CSMD1: variants seen among roughly 807,000 people sequenced by gnomAD.
CSMD1 encodes CUB and Sushi multiple domains 1.
In CSMD1, 213 loss-of-function variants were observed where a neutral mutation model predicts 417.5. The ratio of observed to expected loss-of-function variants is 0.51; its 90% CI spans 0.46 to 0.57. The LOEUF is 0.57. Ranked by LOEUF, CSMD1 falls within the 20% of genes least tolerant of loss-of-function variation. CSMD1 has a pLI of 0.00. For missense variants in CSMD1, 6,923 were observed against 4,529.7 expected (o/e 1.53, Z -15.17); for synonymous variants, 2,862 against 1,736.8 (o/e 1.65, Z -16.11).
At chr8:3,225,697 C>G (rs1798463873) in intron 27 of CSMD1, among the ~76,000 whole-genome samples, 1 of 152,170 alleles carries the variant, frequency 6.6e-6, no homozygotes, top group African/African-American at 2.4e-5. Flanking sequence ...AGGGGAAACC[C>G]TGTCTTATTC....
chr8:3,344,376 G>C (rs1447744907), intron 22 of CSMD1, among the ~76,000 whole-genome samples: 2 of 152,136 alleles, frequency 1.3e-5, no homozygotes, highest in African/African-American at 4.8e-5. Flanking sequence ...TGGGTTGAAA[G>C]GTGCAGCAAA....
Position 4,010,440 on chromosome 8 carries a change from T to C in CSMD1, c.611-12330A>G, listed in dbSNP as rs144101725. On this transcript the variant is annotated intron_variant, in intron 4 of 69. Coordinates refer to ENST00000635120, the MANE Select transcript of CSMD1 (RefSeq NM_033225.6). ...TCGGTCATTTCAATGTCAACACAGGTAATCCTGGGAAAAACATAACCTCTT... is the reference window on the plus strand; with the variant it reads ...TCGGTCATTTCAATGTCAACACAGGCAATCCTGGGAAAAACATAACCTCTT... 1.8e-3 allele frequency among the ~76,000 whole-genome samples: 270 copies of C among 152,250 alleles called. 1 individual carries two copies. The highest frequency in any genetic ancestry group is 6.0e-3 in the African/African-American group (251 of 41,534).
intron 39 of CSMD1, among the ~76,000 whole-genome samples, chr8:3,152,497 C>G (rs1344990085): frequency 1.3e-5 from 2 of 152,166 alleles, no homozygotes; most frequent in African/African-American, 4.8e-5. Flanking sequence ...CCCCTAGGAC[C>G]TGTGGTGAAG....
At chr8:4,135,806 C>G (rs1330791348) in intron 3 of CSMD1, among the ~76,000 whole-genome samples, 3 of 151,968 alleles carry the variant, frequency 2.0e-5, no homozygotes, top group African/African-American at 4.8e-5. Context: ...TAGTTAATAT[C>G]CATTTTTAAA....
intron 49 of CSMD1, among the ~76,000 whole-genome samples, chr8:3,056,175 A>C (rs1812205980): frequency 6.6e-6 from 1 of 152,236 alleles, no homozygotes; most frequent in Non-Finnish European, 1.5e-5. Context: ...GGTAGGTAGT[A>C]AGATGGCTTA....
At chr8:3,470,719 A>G (rs1817042238) in intron 11 of CSMD1, among the ~76,000 whole-genome samples, 2 of 152,048 alleles carry the variant, frequency 1.3e-5, no homozygotes, top group South Asian at 2.1e-4. Flanking sequence ...GCAACCACTA[A>G]TCAGTATCCA....
chr8:3,526,145 G>C (rs1031514605), intron 10 of CSMD1, among the ~76,000 whole-genome samples: 3 of 152,128 alleles, frequency 2.0e-5, no homozygotes, highest in Admixed American at 6.5e-5. Flanking sequence ...AAAGTGGCAA[G>C]TTTCAATTAA....
In CSMD1 at chr8:3,542,332, C is replaced by T. The variant is rs370905673; in HGVS notation, c.1344+32613G>A. On this transcript the variant is annotated intron_variant, in intron 10 of 69. Transcript: ENST00000635120. Reference sequence around the variant, plus strand: ...AGAATCTTCAATCATTCAGATGGTTCATTCAGAATCTTCAATTCTGAAGAT... The same window carrying T: ...AGAATCTTCAATCATTCAGATGGTTTATTCAGAATCTTCAATTCTGAAGAT... Among the ~76,000 whole-genome samples, 10 of 152,120 alleles carry T rather than the reference C, an allele frequency of 6.6e-5. No individual in the cohort carries two copies. The East Asian group carries it at 1.9e-3, about 29-fold the overall frequency.
chr8:3,091,731 G>A (rs60806908), intron 47 of CSMD1, 69 bp from the exon 48 acceptor site: 9 of 1,430,494 alleles, frequency 6.3e-6, no homozygotes, highest in South Asian at 1.3e-5. Context: ...ACTAGGTTTA[G>A]CTTTTGATTA....
intron 5 of CSMD1, among the ~76,000 whole-genome samples, chr8:3,792,076 C>A (rs756674662): frequency 2.0e-5 from 3 of 152,106 alleles, no homozygotes; most frequent in African/African-American, 7.2e-5. Context: ...CTATGTTTTC[C>A]TCCTTCAAGA....
chr8:3,027,213 T>A (rs565354332), intron 51 of CSMD1, among the ~76,000 whole-genome samples: 1 of 152,126 alleles, frequency 6.6e-6, no homozygotes, highest in East Asian at 1.9e-4. Context: ...AGCAGAAAAT[T>A]TCAGTTTGGT....
intron 3 of CSMD1, among the ~76,000 whole-genome samples, chr8:4,274,310 G>A (rs954125374): frequency 6.6e-6 from 1 of 152,040 alleles, no homozygotes; most frequent in Non-Finnish European, 1.5e-5. Context: ...CACCCAACTG[G>A]CATACGTGGG....
chr8:3,222,468 C>A (rs1001505875), intron 28 of CSMD1, among the ~76,000 whole-genome samples: 2 of 152,020 alleles, frequency 1.3e-5, no homozygotes, highest in Non-Finnish European at 2.9e-5. Context: ...CACAAGCACA[C>A]CAAGCCAATT....
intron 3 of CSMD1, among the ~76,000 whole-genome samples, chr8:4,259,829 T>C (rs1266856376): frequency 6.6e-6 from 1 of 152,226 alleles, no homozygotes; most frequent in Non-Finnish European, 1.5e-5. Context: ...ACATTACTCA[T>C]AATATTGTTT....
intron 59 of CSMD1, among the ~76,000 whole-genome samples, 173 bp from the exon 60 acceptor site, chr8:2,963,568 T>C (rs1231922843): frequency 4.6e-5 from 7 of 152,160 alleles, no homozygotes; most frequent in Admixed American, 1.3e-4. Flanking sequence ...TAACAAAATA[T>C]TTTTTAGAAT....
intron 6 of CSMD1, among the ~76,000 whole-genome samples, chr8:3,722,220 AATTGCTTGACCAGGGAGGCAGAG>A (rs1802220578): frequency 1.3e-5 from 2 of 152,038 alleles, no homozygotes; most frequent in Non-Finnish European, 2.9e-5. Context: ...GAGGCAGGAG[AATTGCTTGACCAGGGAGGCAGAG>A]ATTGCAGTGA....
In CSMD1 at chr8:3,038,024, G is replaced by A. The variant is rs372816694; in HGVS notation, c.7661-8511C>T. Among the ~76,000 whole-genome samples, 520 of 152,158 alleles carry A rather than the reference G, an allele frequency of 3.4e-3. 1 individual carries two copies. The highest frequency in any genetic ancestry group is 0.011 in the African/African-American group (477 of 41,512). On this transcript the variant is annotated intron_variant, in intron 50 of 69. Coordinates refer to ENST00000635120, the MANE Select transcript of CSMD1 (RefSeq NM_033225.6). ...AAAATCGGGCATCTATATTTCTCTG[G>A]CCCGGCTTTCTTATTTTTTATACTA...
In CSMD1 at chr8:4,035,523, G is replaced by C. The variant is rs528795010; in HGVS notation, c.416-3424C>G. On this transcript the variant is annotated intron_variant, in intron 3 of 69. Transcript: ENST00000635120. ...CCTTGCCCCGAAGACCTTCTGGTGGGACAAGACGTCAAGGTGGAAGAGATG... is the reference window on the plus strand; with the variant it reads ...CCTTGCCCCGAAGACCTTCTGGTGGCACAAGACGTCAAGGTGGAAGAGATG... Among the ~76,000 whole-genome samples the C allele has an allele frequency of 7.9e-5, 12 of 151,412 alleles. No homozygotes were observed. The South Asian group carries it at 1.9e-3, about 24-fold the overall frequency.
chr8:4,848,144 ATTAGTACTTCATTCTTGGTCTGGC>A (rs1221877118), intron 1 of CSMD1, among the ~76,000 whole-genome samples: 1 of 152,170 alleles, frequency 6.6e-6, no homozygotes, highest in Non-Finnish European at 1.5e-5. Context: ...TGCAGCATGT[ATTAGTACTTCATTCTTGGTCTGGC>A]TGAATAATAT....
Sources: gnomAD v4.1 joint callset for allele counts (sites outside exome capture counted in the v4.1 genomes callset) on GRCh38, gnomAD v4.1.1 for gene constraint, MANE v1.5 for transcripts, NCBI Gene and HGNC (gene_info 2026-07-23, HGNC 2026-07-21) for gene names.